LRPPRC: variants seen among roughly 807,000 people sequenced by gnomAD.
LRPPRC encodes leucine-rich PPR motif-containing protein, mitochondrial.
Under a neutral mutation model 180.3 loss-of-function variants are expected in LRPPRC, and 120 were observed. The observed-to-expected ratio is 0.67, with a 90% CI of 0.57 to 0.77. The LOEUF (loss-of-function observed/expected upper bound fraction) is 0.77. Ranked by LOEUF, LRPPRC falls within the 30% of genes least tolerant of loss-of-function variation. The pLI is 0.00. For synonymous variants in LRPPRC, 723 were observed against 600.0 expected, an observed-to-expected ratio of 1.21 and a Z score of -3.00; for missense variants, 2,012 against 1,657.2, an observed-to-expected ratio of 1.21 and a Z score of -3.72.
At chr2:43,900,608 A>G (rs1670848184) in intron 32 of LRPPRC, among the ~76,000 whole-genome samples, 1 of 152,158 alleles carries the variant, frequency 6.6e-6, no homozygotes, top group African/African-American at 2.4e-5. Context: ...TGAAAAGGTC[A>G]AAACAAAACA....
At chr2:43,900,434 G>C (rs1301814246) in intron 32 of LRPPRC, among the ~76,000 whole-genome samples, 1 of 151,756 alleles carries the variant, frequency 6.6e-6, no homozygotes, top group Non-Finnish European at 1.5e-5. Context: ...CAAGTTTTAA[G>C]GAATTACTTA....
chr2:43,957,364 C>A (rs1269307982), intron 14 of LRPPRC, 21 bp downstream of exon 14: 1 of 1,573,902 alleles, frequency 6.4e-7, no homozygotes, highest in Non-Finnish European at 8.7e-7. Flanking sequence ...AGGCAAGGAA[C>A]ATTTAAGTTG....
intron 27 of LRPPRC, among the ~76,000 whole-genome samples, chr2:43,923,626 T>C (rs975773031): frequency 1.3e-5 from 2 of 152,124 alleles, no homozygotes; most frequent in Non-Finnish European, 2.9e-5. Flanking sequence ...GTGATGGGGC[T>C]GACCCTTTCA....
At chr2:43,954,216 G>A (rs1673013944) in intron 14 of LRPPRC, among the ~76,000 whole-genome samples, 1 of 152,250 alleles carries the variant, frequency 6.6e-6, no homozygotes, top group East Asian at 1.9e-4. Context: ...ATGTGACAGT[G>A]TATAGATAAA....
chr2:43,965,497 AAAAC>A (rs1450967645), intron 11 of LRPPRC, among the ~76,000 whole-genome samples: 1 of 152,224 alleles, frequency 6.6e-6, no homozygotes, highest in Non-Finnish European at 1.5e-5. Flanking sequence ...ACAGACAATA[AAAAC>A]AAACAGTGAA....
Position 43,974,602 on chromosome 2 carries a change from T to C in LRPPRC, c.1009+12A>G. Reference sequence around the variant, plus strand: ...TTATAAAAATCATGTAAATAGATTTTTTTAAAACTACCTGGAATATATCTT... The same window carrying C: ...TTATAAAAATCATGTAAATAGATTTCTTTAAAACTACCTGGAATATATCTT... On this transcript the variant is annotated intron_variant, in intron 8 of 37. Transcript: ENST00000260665. 5 of 1,528,872 alleles carry C rather than the reference T, an allele frequency of 3.3e-6. No homozygotes were observed. Among genetic ancestry groups the C allele is most frequent in the Non-Finnish European group, 4.5e-6 (5 of 1,107,586 alleles). 94.7% of individuals were successfully genotyped at this position (1,528,872 alleles called of 1,614,324 possible).
intron 3 of LRPPRC, among the ~76,000 whole-genome samples, chr2:43,978,014 A>G (rs1674136414): frequency 6.6e-6 from 1 of 152,148 alleles, no homozygotes; most frequent in Non-Finnish European, 1.5e-5. Context: ...GGCAGCAGAG[A>G]GCTGTTCCAT....
At position 43,981,656 on chromosome 2, in the gene LRPPRC, T is replaced by A. The variant is rs149097040; in HGVS notation, c.346+582A>T. On this transcript the variant is annotated intron_variant, in intron 2 of 37. Coordinates refer to ENST00000260665, the MANE Select transcript of LRPPRC (RefSeq NM_133259.4). Reference sequence around the variant, plus strand: ...TGCTGGGCGACAGAGCGATACTCCATCCCAAAAAAAAAAAATCTAAAAATG... The same window carrying A: ...TGCTGGGCGACAGAGCGATACTCCAACCCAAAAAAAAAAAATCTAAAAATG... Among the ~76,000 whole-genome samples the A allele has an allele frequency of 6.6e-3, 982 of 149,502 alleles. 10 individuals carry two copies. Among genetic ancestry groups the A allele is most frequent in the African/African-American group, 0.023 (935 of 40,652 alleles).
Position 43,957,453 on chromosome 2 carries a change from T to C in LRPPRC, c.1583-2A>G. ...AGATGGGCAATGTATTTGATTTCAC[T>C]GCAAAAGAAAATGACCATCATTAAA... On this transcript the variant is annotated splice_acceptor_variant, in intron 13 of 37. Transcript: ENST00000260665. LOFTEE classifies it high-confidence loss of function. The C allele has an allele frequency of 2.5e-6, 4 of 1,610,252 alleles. No homozygotes were observed. Among genetic ancestry groups the C allele is most frequent in the South Asian group, 1.1e-5 (1 of 91,012 alleles).
At chr2:43,920,079 TAAAA>T (rs1023425078) in intron 27 of LRPPRC, among the ~76,000 whole-genome samples, 2 of 79,478 alleles carry the variant, frequency 2.5e-5, no homozygotes, top group Non-Finnish European at 4.7e-5. Context: ...ATCAGCAATT[TAAAA>T]AAAAAAAAAA....
chr2:43,891,847 C>T (rs1044621651), intron 36 of LRPPRC, among the ~76,000 whole-genome samples: 1 of 152,200 alleles, frequency 6.6e-6, no homozygotes, highest in Non-Finnish European at 1.5e-5. Context: ...AGGCTTCTTG[C>T]GTGGAACAGC....
chr2:43,893,518 G>A (rs1670570908), intron 36 of LRPPRC, among the ~76,000 whole-genome samples: 1 of 152,164 alleles, frequency 6.6e-6, no homozygotes. Context: ...CTCACTGAAG[G>A]CACAGATGAT....
In LRPPRC at chr2:43,925,133, C is replaced by T. The variant is rs1458580158; in HGVS notation, c.2830G>A (p.Glu944Lys). The change falls in exon 27 of 38, where the codon GAG becomes AAG. Residue 944 changes from glutamate to lysine, a missense_variant. Glu to Lys is a moderately conservative substitution (Grantham distance 56). Transcript: ENST00000260665. ...NQVETLEKLV[E>K]LTQKLFECDR... ...CATTCAAATAGCTTCTGTGTCAGCT[C>T]CACTAATTTTTCCAGAGTTTCAACC... The T allele has an allele frequency of 6.3e-7, 1 of 1,598,198 alleles. No individual in the cohort carries two copies. The highest frequency in any genetic ancestry group is 8.6e-7 in the Non-Finnish European group (1 of 1,165,734).
At chr2:43,972,990 T>C (rs1415154296) in intron 11 of LRPPRC, among the ~76,000 whole-genome samples, 2 of 152,242 alleles carry the variant, frequency 1.3e-5, no homozygotes, top group Non-Finnish European at 2.9e-5. Flanking sequence ...CTCTAAAATT[T>C]AATATTTGTT....
intron 14 of LRPPRC, among the ~76,000 whole-genome samples, chr2:43,956,197 T>C (rs1321335704): frequency 1.3e-5 from 2 of 152,146 alleles, no homozygotes; most frequent in Non-Finnish European, 2.9e-5. Flanking sequence ...GAAATTGTTC[T>C]GCATTAAGAT....
rs768246531 is a variant in LRPPRC, at chr2:43,899,281, T to C, written c.3763A>G (p.Thr1255Ala). 1.9e-6 allele frequency: 3 copies of C among 1,614,116 alleles called. No homozygotes were observed. The highest frequency in any genetic ancestry group is 3.3e-5 in the Admixed American group (2 of 60,016). ...TCCACAAGTTGAAGGAAAAAATCAG[T>C]GACAGGTTTATAAATTGCAAACTGA... Reference protein sequence around the residue: ...ANQFAIYKPVTDFFLQLVDAG... With the variant: ...ANQFAIYKPVADFFLQLVDAG... Residue 1255 changes from threonine (T) to alanine (A), a missense_variant, in exon 34 of 38, where the codon ACT becomes GCT. By Grantham distance (58) the Thr-to-Ala change is moderately conservative. Transcript: ENST00000260665.
At chr2:43,932,095 G>C (rs969757039) in intron 25 of LRPPRC, among the ~76,000 whole-genome samples, 7 of 108,706 alleles carry the variant, frequency 6.4e-5, no homozygotes, top group African/African-American at 2.6e-4. Context: ...CTGTACTACA[G>C]CCTGGCTAAC....
chr2:43,974,209 C>T lies in LRPPRC; in HGVS notation c.1096G>A (p.Glu366Lys). ...QILLACPVSK[E>K]DGPSVFGSFF... ...CTGCCAAAGACACTTGGGCCATCTT[C>T]CTTTGATACGGGGCATGCTAGTAAA... Residue 366 changes from glutamate (E) to lysine (K), a missense_variant, in exon 9 of 38, where the codon GAA becomes AAA. Transcript: ENST00000260665. The T allele has an allele frequency of 6.2e-7, 1 of 1,612,358 alleles. No individual in the cohort carries two copies. Among genetic ancestry groups the T allele is most frequent in the Non-Finnish European group, 8.5e-7 (1 of 1,178,376 alleles).
chr2:43,888,183 G>C lies in LRPPRC; in HGVS notation c.*417C>G. On this transcript the variant is annotated 3_prime_UTR_variant, in exon 38 of 38. Transcript: ENST00000260665. Reference sequence around the variant, plus strand: ...GACTTCACACATGTACGGAATGGCTGTATCACAGAATATTATGCGTTAGAA... The same window carrying C: ...GACTTCACACATGTACGGAATGGCTCTATCACAGAATATTATGCGTTAGAA... 1 of 225,626 alleles carries C rather than the reference G, an allele frequency of 4.4e-6. No homozygotes were observed. Among genetic ancestry groups the C allele is most frequent in the South Asian group, 6.5e-5 (1 of 15,454 alleles). The allele number at this position is 225,626 out of a possible 1,614,324, so 14.0% of individuals were successfully genotyped here.
Sources: gnomAD v4.1 joint callset for allele counts (sites outside exome capture counted in the v4.1 genomes callset) on GRCh38, gnomAD v4.1.1 for gene constraint, MANE v1.5 for transcripts, NCBI Gene and HGNC (gene_info 2026-07-23, HGNC 2026-07-21) for gene names.